KMT5B: variants seen among roughly 807,000 people sequenced by gnomAD.
KMT5B encodes the protein lysine methyltransferase 5B.
Under a neutral mutation model 83.2 loss-of-function variants are expected in KMT5B, and 10 were observed. That is an observed-to-expected ratio of 0.12 (90% CI 0.07 to 0.20). KMT5B has a LOEUF of 0.20. KMT5B is among the 10% of genes least tolerant of loss of function. The pLI, the probability that KMT5B is intolerant of heterozygous loss-of-function variation, is 1.00. For missense variants in KMT5B, 753 were observed against 1,067.2 expected, an observed-to-expected ratio of 0.71 and a Z score of 4.10; for synonymous variants, 349 against 388.8, an observed-to-expected ratio of 0.90 and a Z score of 1.20.
At chr11:68,175,914 G>GTGTTTTTT in intron 4 of KMT5B, among the ~76,000 whole-genome samples, 1 of 126,366 alleles carries the variant, frequency 7.9e-6, no homozygotes, top group East Asian at 2.4e-4. Context: ...GGGTAGAGTT[G>GTGTTTTTT]TTTTTTTTTT....
intron 1 of KMT5B, among the ~76,000 whole-genome samples, chr11:68,203,417 G>A (rs944569209): frequency 6.6e-6 from 1 of 152,152 alleles, no homozygotes; most frequent in African/African-American, 2.4e-5. Flanking sequence ...ATCACAAAAG[G>A]ACTTGACATC....
rs778990313 is a variant in KMT5B at position 68,164,640 on chromosome 11, AGAGT to A, written c.1174+2338_1174+2341del. 4 of 512,720 alleles carry A rather than the reference AGAGT, an allele frequency of 7.8e-6. No individual in the cohort carries two copies. The East Asian group carries it at 2.2e-4, about 28-fold the overall frequency. The allele number at this position is 512,720 out of a possible 1,614,324, so 31.8% of individuals were successfully genotyped here. A position where few individuals can be genotyped will look rare whatever the true frequency, so the allele number is the denominator to read the frequency against. Reference sequence around the variant, plus strand: ...GCCTATCCACTCTGCCCATGACCTCAGAGTTAGTCATACTGATCCTTGGATTGCT... The same window carrying A: ...GCCTATCCACTCTGCCCATGACCTCATAGTCATACTGATCCTTGGATTGCT... On this transcript the variant is annotated intron_variant, in intron 10 of 10. Transcript: ENST00000304363.
At chr11:68,191,191 G>GTGTGTGTA (rs1858013159) in intron 1 of KMT5B, among the ~76,000 whole-genome samples, 1 of 151,430 alleles carries the variant, frequency 6.6e-6, no homozygotes, top group Admixed American at 6.6e-5. Flanking sequence ...GTGTGTGTGT[G>GTGTGTGTA]TGTGTGTGTG....
chr11:68,204,825 C>G (rs748873105), intron 1 of KMT5B, among the ~76,000 whole-genome samples: 83 of 152,080 alleles, frequency 5.5e-4, no homozygotes, highest in African/African-American at 1.9e-3. Flanking sequence ...CCATGTTGGC[C>G]AGGATGGTCT....
intron 1 of KMT5B, among the ~76,000 whole-genome samples, chr11:68,193,552 T>C (rs746382320): frequency 1.3e-5 from 2 of 152,146 alleles, no homozygotes; most frequent in Non-Finnish European, 2.9e-5. Flanking sequence ...AACTTTACAA[T>C]TGTTTTCTAA....
intron 4 of KMT5B, among the ~76,000 whole-genome samples, chr11:68,176,312 A>G (rs980263270): frequency 6.6e-6 from 1 of 152,202 alleles, no homozygotes; most frequent in African/African-American, 2.4e-5. Flanking sequence ...TCATGGCCCA[A>G]GCAAGACAAA....
At chr11:68,176,002 C>A (rs952772785) in intron 4 of KMT5B, among the ~76,000 whole-genome samples, 1 of 150,344 alleles carries the variant, frequency 6.7e-6, no homozygotes, top group Admixed American at 6.6e-5. Context: ...GCAACCTCTG[C>A]CTCCCGGGTT....
intron 9 of KMT5B, among the ~76,000 whole-genome samples, chr11:68,168,615 CG>C (rs1855546786): frequency 6.6e-6 from 1 of 152,172 alleles, no homozygotes; most frequent in Non-Finnish European, 1.5e-5. Flanking sequence ...GGATTATAGG[CG>C]TGAGTCACAC....
At chr11:68,201,263 T>C (rs1399402234) in intron 1 of KMT5B, among the ~76,000 whole-genome samples, 1 of 152,194 alleles carries the variant, frequency 6.6e-6, no homozygotes, top group Non-Finnish European at 1.5e-5. Flanking sequence ...AAAAGTATTT[T>C]TTCCCCAAAC....
chr11:68,172,629 T>A (rs139063149), intron 6 of KMT5B, among the ~76,000 whole-genome samples: 9 of 152,138 alleles, frequency 5.9e-5, no homozygotes, highest in African/African-American at 9.7e-5. Flanking sequence ...CTGGTGTGTA[T>A]AGCACACTTA....
intron 1 of KMT5B, among the ~76,000 whole-genome samples, chr11:68,197,934 A>G (rs1023944175): frequency 6.6e-6 from 1 of 152,234 alleles, no homozygotes; most frequent in African/African-American, 2.4e-5. Flanking sequence ...AAAAATTTTC[A>G]GCTCAAAATG....
chr11:68,169,662 A>G (rs1855656273), intron 9 of KMT5B, among the ~76,000 whole-genome samples: 1 of 152,212 alleles, frequency 6.6e-6, no homozygotes, highest in South Asian at 2.1e-4. Flanking sequence ...AAAGCAGCTA[A>G]GTGACTTACC....
At chr11:68,172,081 T>C (rs1590957342) in intron 6 of KMT5B, among the ~76,000 whole-genome samples, 1 of 152,128 alleles carries the variant, frequency 6.6e-6, no homozygotes, top group African/African-American at 2.4e-5. Context: ...CCAGTGGCAG[T>C]AAGGGTTATG....
At position 68,208,452 on chromosome 11, in the gene KMT5B, C is replaced by CCAAA. The variant is rs148612923; in HGVS notation, c.-77+4682_-77+4685dup. Among the ~76,000 whole-genome samples, 3 of 151,286 alleles carry CCAAA rather than the reference C, an allele frequency of 2.0e-5. No homozygotes were observed. The East Asian group carries it at 6.0e-4, about 30-fold the overall frequency. ...TGGGCAACAGAGTGAGACTCTGTCT[C>CCAAA]CAAACAAACAAACAAAAAAACCACT... On this transcript the variant is annotated intron_variant, in intron 1 of 10. Coordinates refer to ENST00000304363, the MANE Select transcript of KMT5B (RefSeq NM_017635.5).
intron 1 of KMT5B, among the ~76,000 whole-genome samples, chr11:68,205,146 A>C (rs2511460): frequency 2.2e-5 from 2 of 89,866 alleles, no homozygotes; most frequent in Admixed American, 1.8e-4. Flanking sequence ...CATCTCTACC[A>C]AAAAAAAAAA....
Position 68,171,226 on chromosome 11 carries a change from G to C in KMT5B, c.840+6C>G. 6.2e-7 allele frequency: 1 copy of C among 1,605,482 alleles called. No individual in the cohort carries two copies. Among genetic ancestry groups the C allele is most frequent in the Non-Finnish European group, 8.5e-7 (1 of 1,178,168 alleles). ...AATACTTGAAGAAAATTTTTTTAATGCTTACCTTACAATTAGGTCTGCAAT... is the reference window on the plus strand; with the variant it reads ...AATACTTGAAGAAAATTTTTTTAATCCTTACCTTACAATTAGGTCTGCAAT... On this transcript the variant is annotated splice_donor_region_variant and intron_variant, in intron 8 of 10. Coordinates refer to ENST00000304363, the MANE Select transcript of KMT5B (RefSeq NM_017635.5). The surrounding 1 kb of genome is among the most constrained non-coding windows in gnomAD (Gnocchi z 5.1).
chr11:68,184,523 A>C (rs985478823), intron 3 of KMT5B, among the ~76,000 whole-genome samples: 5 of 152,222 alleles, frequency 3.3e-5, no homozygotes, highest in African/African-American at 1.2e-4. Flanking sequence ...ACAGGACACA[A>C]GACTTTCCTC....
intron 1 of KMT5B, among the ~76,000 whole-genome samples, chr11:68,211,935 G>C (rs1017370642): frequency 6.6e-6 from 1 of 152,178 alleles, no homozygotes; most frequent in Non-Finnish European, 1.5e-5. Context: ...AAGAGGGACA[G>C]GGCCACACCT....
intron 9 of KMT5B, among the ~76,000 whole-genome samples, chr11:68,169,012 G>A (rs761053710): frequency 6.6e-6 from 1 of 152,176 alleles, no homozygotes; most frequent in Admixed American, 6.5e-5. Flanking sequence ...GAAACAATTT[G>A]GTGTTTATGA....
Sources: allele counts gnomAD v4.1 joint callset (sites outside exome capture counted in the v4.1 genomes callset), GRCh38; gene constraint gnomAD v4.1.1; non-coding constraint Gnocchi (gnomAD v3.1); transcripts MANE v1.5; gene names NCBI Gene and HGNC (gene_info 2026-07-23, HGNC 2026-07-21).